PHACTR2: variants seen among roughly 807,000 people sequenced by gnomAD.
PHACTR2 encodes the protein phosphatase and actin regulator 2, also known as chromosome 6 open reading frame 56.
A neutral mutation model predicts 76.0 loss-of-function variants in PHACTR2; 30 were observed. That is an observed-to-expected ratio of 0.39 (90% CI 0.30 to 0.54). The LOEUF (loss-of-function observed/expected upper bound fraction) is 0.54. Among genes scored for constraint, PHACTR2 ranks in the 20% least tolerant of loss-of-function variants. The pLI, the probability that PHACTR2 is intolerant of heterozygous loss-of-function variation, is 0.61. For missense variants in PHACTR2, 696 were observed against 781.1 expected, an observed-to-expected ratio of 0.89 and a Z score of 1.30; for synonymous variants, 292 against 292.5, an observed-to-expected ratio of 1.00 and a Z score of 0.02.
In PHACTR2 at chr6:143,548,774, G is replaced by A. The variant is rs1775044574; in HGVS notation, c.217+11567G>A. 6.6e-6 allele frequency among the ~76,000 whole-genome samples: 1 copy of A among 152,044 alleles called. No individual in the cohort carries two copies. Among genetic ancestry groups the A allele is most frequent in the South Asian group, 2.1e-4 (1 of 4,822 alleles). The stretch of plus-strand genomic sequence containing the variant: ...TACGTGTCACAGAGAAAAGCCTAAT[G>A]TCTTTTAGGTAAGAAAGAAAGGAAA... On this transcript the variant is annotated intron_variant, in intron 1 of 11. Coordinates refer to the PHACTR2 transcript ENST00000367584. The surrounding 1 kb of genome is among the most constrained non-coding windows in gnomAD (Gnocchi z 4.5).
In PHACTR2 at chr6:143,536,961, C is replaced by T. The variant is rs1471542536; in HGVS notation, c.-30C>T. 1.9e-5 allele frequency: 3 copies of T among 154,244 alleles called. No homozygotes were observed. The East Asian group carries it at 5.7e-4, about 29-fold the overall frequency. The allele number at this position is 154,244 out of a possible 1,614,324, so 9.6% of individuals were successfully genotyped here. ...GCGCAGCCCTCGGCGCCGGCCCCAC[C>T]CGGTGCTCCGGCCCCGCCGCCGGGA... On this transcript the variant is annotated 5_prime_UTR_variant, in exon 1 of 12. Coordinates refer to the PHACTR2 transcript ENST00000367584. The surrounding 1 kb of genome is among the most constrained non-coding windows in gnomAD (Gnocchi z 5.4).
rs1420146687 is a variant in PHACTR2 at position 143,743,660 on chromosome 6, GC to G, written c.215-5323del. 6.6e-6 allele frequency among the ~76,000 whole-genome samples: 1 copy of G among 152,200 alleles called. No individual in the cohort carries two copies. The highest frequency in any genetic ancestry group is 1.5e-5 in the Non-Finnish European group (1 of 68,040). ...GCAACTGCTATTGAAGAGGGGCAAA[GC>G]CGAGCCAGGCTCTTGTAGAACACTT... On this transcript the variant is annotated intron_variant, in intron 2 of 12. Transcript: ENST00000440869. This position sits in a 1 kb window ranked among gnomAD's most constrained non-coding sequence, Gnocchi z 5.0.
intron 3 of PHACTR2, among the ~76,000 whole-genome samples, chr6:143,749,287 G>A (rs1403034660): frequency 6.6e-6 from 1 of 152,148 alleles, no homozygotes; most frequent in Non-Finnish European, 1.5e-5. Context: ...ATCACCATAT[G>A]TCATTCTAAA....
chr6:143,753,750 T>C lies in PHACTR2; in HGVS notation c.296-4T>C. 2 of 1,581,192 alleles carry C rather than the reference T, an allele frequency of 1.3e-6. No individual in the cohort carries two copies. Among genetic ancestry groups the C allele is most frequent in the Non-Finnish European group, 1.7e-6 (2 of 1,168,806 alleles). ...GACATCTAGGTGTTTCTTTCCCATT[T>C]TAGATGGAGATGTAACAGTTAACTT... On this transcript the variant is annotated splice_region_variant and splice_polypyrimidine_tract_variant and intron_variant, in intron 3 of 12. Transcript: ENST00000440869. This position sits in a 1 kb window ranked among gnomAD's most constrained non-coding sequence, Gnocchi z 4.6.
chr6:143,582,715 G>A (rs1310416873), intron 1 of PHACTR2, among the ~76,000 whole-genome samples: 2 of 152,092 alleles, frequency 1.3e-5, no homozygotes, highest in Admixed American at 6.5e-5. Flanking sequence ...TAATATTAAA[G>A]AATAAGAGCA....
chr6:143,615,621 T>TA (rs11324268), intron 1 of PHACTR2, among the ~76,000 whole-genome samples: 4 of 151,984 alleles, frequency 2.6e-5, no homozygotes, highest in East Asian at 1.9e-4. Context: ...GTTACCATTG[T>TA]AAAAAAAATT....
At chr6:143,732,818 T>C (rs1385353278) in intron 2 of PHACTR2, among the ~76,000 whole-genome samples, 3 of 152,210 alleles carry the variant, frequency 2.0e-5, no homozygotes, top group Non-Finnish European at 4.4e-5. Context: ...TGTCTTTTTT[T>C]ATTATTGCTA....
chr6:143,766,891 G>A (rs1779575262), intron 6 of PHACTR2, among the ~76,000 whole-genome samples: 1 of 152,174 alleles, frequency 6.6e-6, no homozygotes, highest in African/African-American at 2.4e-5. Flanking sequence ...GATAAATTCT[G>A]TCTGGCAAAG....
chr6:143,661,562 C>CTT (rs112963559), intron 1 of PHACTR2, among the ~76,000 whole-genome samples: 6 of 139,592 alleles, frequency 4.3e-5, no homozygotes, highest in African/African-American at 7.9e-5. Flanking sequence ...AATTTTCTTT[C>CTT]TTTTTTTTTT....
rs9390109 is a variant in PHACTR2 at position 143,571,669 on chromosome 6, T to C, written c.217+34462T>C. Among the ~76,000 whole-genome samples the C allele has an allele frequency of 0.61, 93,029 of 151,724 alleles. 28,866 individuals carry two copies. The highest frequency in any genetic ancestry group is 0.72 in the Middle Eastern group (212 of 294). On this transcript the variant is annotated intron_variant, in intron 1 of 11. Coordinates refer to the PHACTR2 transcript ENST00000367584. This position sits in a 1 kb window ranked among gnomAD's most constrained non-coding sequence, Gnocchi z 4.6. ...TTTTGTTGCCCACATTGTTGTACAA[T>C]TGGCTATCGAGAGTTTGGTACAAGT...
At position 143,680,820 on chromosome 6, in the gene PHACTR2, T is replaced by G. The variant is rs1001690186; in HGVS notation, c.46+2611T>G. Among the ~76,000 whole-genome samples the G allele has an allele frequency of 2.6e-5, 4 of 152,316 alleles. No homozygotes were observed. ...TAATCAACTTTTCTGTCTCTATAGA[T>G]TTTCTTATTGAGAACATTTCATGTC... On this transcript the variant is annotated intron_variant, in intron 1 of 12. Transcript: ENST00000440869. The surrounding 1 kb of genome is among the most constrained non-coding windows in gnomAD (Gnocchi z 4.5).
rs537492644 is a variant in PHACTR2, at chr6:143,767,829, TTTTTGTTTTG to T, written c.1232+2046_1232+2055del. ...AACACTTTCACACTGAGGATGAAGG[TTTTTGTTTTG>T]TTTTGTTTTGTTTTTTGAGACAGAA... On this transcript the variant is annotated intron_variant, in intron 6 of 12. Coordinates refer to ENST00000440869, the MANE Select transcript of PHACTR2 (RefSeq NM_001100164.2). The surrounding 1 kb of genome is among the most constrained non-coding windows in gnomAD (Gnocchi z 4.4). Among the ~76,000 whole-genome samples, 6 of 151,866 alleles carry T rather than the reference TTTTTGTTTTG, an allele frequency of 4.0e-5. No homozygotes were observed. Among genetic ancestry groups the T allele is most frequent in the Non-Finnish European group, 7.4e-5 (5 of 67,918 alleles).
At chr6:143,559,365 G>A (rs1179439623) in intron 1 of PHACTR2, among the ~76,000 whole-genome samples, 1 of 152,166 alleles carries the variant, frequency 6.6e-6, no homozygotes, top group Non-Finnish European at 1.5e-5. Flanking sequence ...AATCGTCACT[G>A]ATCCTACTGA....
intron 2 of PHACTR2, among the ~76,000 whole-genome samples, chr6:143,721,865 C>T (rs1176491402): frequency 6.6e-6 from 1 of 152,166 alleles, no homozygotes; most frequent in Admixed American, 6.5e-5. Flanking sequence ...CAAGCCTGAC[C>T]AGTTCCCTGT....
intron 9 of PHACTR2, among the ~76,000 whole-genome samples, chr6:143,779,496 C>T (rs893273220): frequency 2.4e-4 from 37 of 151,882 alleles, no homozygotes; most frequent in Non-Finnish European, 2.8e-4. Flanking sequence ...ACTACAGGTG[C>T]GCATCACCAT....
At chr6:143,576,875 C>CA (rs35937662) in intron 1 of PHACTR2, among the ~76,000 whole-genome samples, 2,335 of 102,254 alleles carry the variant, frequency 0.023, 68 homozygotes, top group East Asian at 0.043. Flanking sequence ...GACTCTGTCT[C>CA]AAAAAAAAAA....
chr6:143,788,242 G>A (rs1775598166), intron 10 of PHACTR2, among the ~76,000 whole-genome samples: 1 of 152,150 alleles, frequency 6.6e-6, no homozygotes, highest in Admixed American at 6.5e-5. Flanking sequence ...TTGGGGTCTT[G>A]TCCTTATTAT....
In PHACTR2 at chr6:143,757,531, C is replaced by A. The variant is rs534136495; in HGVS notation, c.455-2870C>A. Reference sequence around the variant, plus strand: ...GTTCTAAGTATCGTTGACCTCAAACCTTCCAGGGCTCAAAGGAGCCAAGCC... The same window carrying A: ...GTTCTAAGTATCGTTGACCTCAAACATTCCAGGGCTCAAAGGAGCCAAGCC... On this transcript the variant is annotated intron_variant, in intron 4 of 12. Transcript: ENST00000440869. The surrounding 1 kb of genome is among the most constrained non-coding windows in gnomAD (Gnocchi z 4.2). 2.0e-5 allele frequency among the ~76,000 whole-genome samples: 3 copies of A among 152,320 alleles called. 1 individual carries two copies. The South Asian group carries it at 6.2e-4, about 32-fold the overall frequency.
rs1429034074 is a variant in PHACTR2 at position 143,816,750 on chromosome 6, G to C, written c.1923-6924G>C. Among the ~76,000 whole-genome samples the C allele has an allele frequency of 6.6e-6, 1 of 152,140 alleles. No individual in the cohort carries two copies. Among genetic ancestry groups the C allele is most frequent in the Non-Finnish European group, 1.5e-5 (1 of 68,012 alleles). ...AAAATTAAATACAGAATACTTTCCA[G>C]GATAATATTGGGCTTTCAAAGATTA... On this transcript the variant is annotated intron_variant, in intron 12 of 12. Coordinates refer to ENST00000440869, the MANE Select transcript of PHACTR2 (RefSeq NM_001100164.2). The surrounding 1 kb of genome is among the most constrained non-coding windows in gnomAD (Gnocchi z 4.5).
Sources: allele counts gnomAD v4.1 joint callset (sites outside exome capture counted in the v4.1 genomes callset), GRCh38; gene constraint gnomAD v4.1.1; non-coding constraint Gnocchi (gnomAD v3.1); transcripts MANE v1.5; gene names NCBI Gene and HGNC (gene_info 2026-07-23, HGNC 2026-07-21).